FBXO25: variants seen among roughly 807,000 people sequenced by gnomAD.
FBXO25 encodes F-box only protein 25.
Under a neutral mutation model 51.9 loss-of-function variants are expected in FBXO25, and 45 were observed. That is an observed-to-expected ratio of 0.87 (90% CI 0.68 to 1.11). The LOEUF (loss-of-function observed/expected upper bound fraction) is 1.11. Ranked by LOEUF, FBXO25 falls within the 50% of genes most tolerant of loss-of-function variation. FBXO25 has a pLI of 0.00. For synonymous variants in FBXO25, 199 were observed against 151.0 expected, an observed-to-expected ratio of 1.32 and a Z score of -2.33; for missense variants, 507 against 428.5, an observed-to-expected ratio of 1.18 and a Z score of -1.62.
Position 450,086 on chromosome 8 carries a change from A to C in FBXO25, c.475+3A>C. On this transcript the variant is annotated splice_donor_region_variant and intron_variant, in intron 6 of 9. Transcript: ENST00000350302. ...TTTGGATAAAATCGTTCAAAAGGGTAAGATGATCACTGTATTTTTAATACT... is the reference window on the plus strand; with the variant it reads ...TTTGGATAAAATCGTTCAAAAGGGTCAGATGATCACTGTATTTTTAATACT... 6.3e-7 allele frequency: 1 copy of C among 1,598,302 alleles called. No individual in the cohort carries two copies. The highest frequency in any genetic ancestry group is 8.6e-7 in the Non-Finnish European group (1 of 1,167,758).
At chr8:440,162 C>T (rs1246182209) in intron 5 of FBXO25, among the ~76,000 whole-genome samples, 1 of 152,122 alleles carries the variant, frequency 6.6e-6, no homozygotes, top group Non-Finnish European at 1.5e-5. Context: ...CTGTCTCTTT[C>T]TTATTTATTT....
chr8:413,487 G>C (rs893216067), intron 2 of FBXO25, among the ~76,000 whole-genome samples: 5 of 151,992 alleles, frequency 3.3e-5, no homozygotes, highest in African/African-American at 1.2e-4. Flanking sequence ...TTATAGCTGA[G>C]GAACCTGAGG....
At chr8:414,533 A>T (rs1259133948) in intron 2 of FBXO25, among the ~76,000 whole-genome samples, 1 of 152,044 alleles carries the variant, frequency 6.6e-6, no homozygotes, top group Non-Finnish European at 1.5e-5. Flanking sequence ...ATTTGTGGGA[A>T]TTTGTTTTTT....
At chr8:419,169 G>A (rs189089147) in intron 2 of FBXO25, among the ~76,000 whole-genome samples, 6 of 151,886 alleles carry the variant, frequency 4.0e-5, no homozygotes, top group African/African-American at 4.8e-5. Flanking sequence ...AGACCAGCCC[G>A]GCCAACATGG....
intron 9 of FBXO25, among the ~76,000 whole-genome samples, chr8:466,632 C>T (rs1800176904): frequency 6.6e-6 from 1 of 152,200 alleles, no homozygotes; most frequent in Non-Finnish European, 1.5e-5. Flanking sequence ...AGGTCTGCAT[C>T]TGGTATTTAT....
At position 435,758 on chromosome 8, in the gene FBXO25, A is replaced by C. The variant is rs1453414811; in HGVS notation, c.381+51A>C. The C allele has an allele frequency of 8.4e-6, 13 of 1,555,654 alleles. No individual in the cohort carries two copies. In the South Asian group the frequency reaches 1.4e-4, roughly 17 times the overall value. On this transcript the variant is annotated intron_variant, in intron 5 of 9. Coordinates refer to ENST00000350302, the MANE Select transcript of FBXO25 (RefSeq NM_183420.2). ...TTTGATGACTCTTTTGAACAACTAT[A>C]TTTTGAAGATTGTAAGTGTACAACG... is the stretch of plus-strand genomic sequence containing the variant.
chr8:467,833 C>G, intron 9 of FBXO25: 2 of 1,599,304 alleles, frequency 1.3e-6, no homozygotes, highest in South Asian at 1.1e-5. Context: ...TTGGCCACTG[C>G]CCGGCTCGAT....
At chr8:429,340 C>T (rs914929570) in intron 2 of FBXO25, among the ~76,000 whole-genome samples, 3 of 152,070 alleles carry the variant, frequency 2.0e-5, no homozygotes, top group African/African-American at 4.8e-5. Context: ...TGCTGTGTCT[C>T]TTCTTTGGAG....
At position 462,988 on chromosome 8, in the gene FBXO25, T is replaced by G; in HGVS notation, c.844-19T>G. The G allele has an allele frequency of 1.3e-6, 2 of 1,593,262 alleles. No homozygotes were observed. The highest frequency in any genetic ancestry group is 1.7e-6 in the Non-Finnish European group (2 of 1,172,556). ...AAAGTCATCTTATGCGGATTCTGAA[T>G]GGAGTTTTGTTTGTTTAGTTTTGTA... On this transcript the variant is annotated intron_variant, in intron 8 of 9. Coordinates refer to ENST00000350302, the MANE Select transcript of FBXO25 (RefSeq NM_183420.2).
chr8:423,892 T>G (rs940744537), intron 2 of FBXO25, among the ~76,000 whole-genome samples: 9 of 152,244 alleles, frequency 5.9e-5, no homozygotes, highest in African/African-American at 2.2e-4. Flanking sequence ...ATGGCTGGAC[T>G]GATTTACATT....
At position 451,324 on chromosome 8, in the gene FBXO25, C is replaced by G; in HGVS notation, c.531C>G (p.Ser177Arg). 1.2e-6 allele frequency: 2 copies of G among 1,613,900 alleles called. No individual in the cohort carries two copies. Among genetic ancestry groups the G allele is most frequent in the African/African-American group, 1.3e-5 (1 of 75,044 alleles). Residue 177 changes from serine to arginine, a missense_variant, in exon 7 of 10, where the codon AGC becomes AGG. Ser to Arg is a moderately radical substitution (Grantham distance 110). Coordinates refer to ENST00000350302, the MANE Select transcript of FBXO25 (RefSeq NM_183420.2). ...RLIKDLLQDLSSTLCILIRGV... is the reference protein window; with the variant it reads ...RLIKDLLQDLRSTLCILIRGV... ...TCAAAGATCTTCTGCAAGACCTAAG[C>G]TCTACCCTCTGCATTCTTATTAGAG... is the stretch of plus-strand genomic sequence containing the variant.
At chr8:461,818 G>A (rs1489803337) in intron 8 of FBXO25, among the ~76,000 whole-genome samples, 1 of 152,106 alleles carries the variant, frequency 6.6e-6, no homozygotes, top group Non-Finnish European at 1.5e-5. Context: ...GCTCCATGTT[G>A]TAGAATAAAT....
chr8:429,872 C>A (rs1797712900), intron 2 of FBXO25, among the ~76,000 whole-genome samples: 1 of 152,228 alleles, frequency 6.6e-6, no homozygotes, highest in African/African-American at 2.4e-5. Context: ...GTGTGGGTAG[C>A]CCCCAGGGAG....
chr8:445,068 T>C (rs560848341), intron 5 of FBXO25, among the ~76,000 whole-genome samples: 16 of 152,340 alleles, frequency 1.1e-4, no homozygotes, highest in African/African-American at 3.8e-4. Flanking sequence ...TACAGTTTCT[T>C]TGTTAATTGT....
At chr8:422,584 T>C (rs1373943602) in intron 2 of FBXO25, among the ~76,000 whole-genome samples, 1 of 152,184 alleles carries the variant, frequency 6.6e-6, no homozygotes, top group East Asian at 1.9e-4. Context: ...CCTTGTTCTA[T>C]GGCTGCATGA....
chr8:454,859 C>G (rs184863385), intron 7 of FBXO25, among the ~76,000 whole-genome samples: 23 of 134,246 alleles, frequency 1.7e-4, no homozygotes, highest in African/African-American at 6.5e-4. Context: ...CCACTGCACT[C>G]CAGCCTGGGT....
chr8:439,269 T>C (rs953245559), intron 5 of FBXO25, among the ~76,000 whole-genome samples: 1 of 152,182 alleles, frequency 6.6e-6, no homozygotes, highest in African/African-American at 2.4e-5. Flanking sequence ...AGGAGGTGGC[T>C]TCTGACAGCC....
At chr8:451,908 T>C (rs545022861) in intron 7 of FBXO25, among the ~76,000 whole-genome samples, 54 of 152,332 alleles carry the variant, frequency 3.5e-4, no homozygotes, top group African/African-American at 1.2e-3. Context: ...AAGGTGCAAA[T>C]CATGTCAGTT....
intron 2 of FBXO25, among the ~76,000 whole-genome samples, chr8:427,535 G>C (rs1312821241): frequency 1.3e-5 from 2 of 150,774 alleles, no homozygotes; most frequent in African/African-American, 4.9e-5. Flanking sequence ...TCATTTTCTG[G>C]GATTCCATAA....
Sources: gnomAD v4.1 joint callset for allele counts (sites outside exome capture counted in the v4.1 genomes callset) on GRCh38, gnomAD v4.1.1 for gene constraint, MANE v1.5 for transcripts, NCBI Gene and HGNC (gene_info 2026-07-23, HGNC 2026-07-21) for gene names.